DNAH11: variants seen among roughly 807,000 people sequenced by gnomAD.
DNAH11 encodes axonemal beta dynein heavy chain 11.
Under a neutral mutation model 526.0 loss-of-function variants are expected in DNAH11, and 442 were observed. The observed-to-expected ratio is 0.84, with a 90% CI of 0.78 to 0.91. The LOEUF is 0.91. Ranked by LOEUF, DNAH11 falls within the 40% of genes least tolerant of loss-of-function variation. The probability of loss-of-function intolerance (pLI) is 0.00; values close to 1 mark genes in which losing one functional copy is unlikely to be tolerated. For synonymous variants in DNAH11, 2,461 were observed against 1,935.9 expected, an observed-to-expected ratio of 1.27 and a Z score of -7.12; for missense variants, 6,989 against 5,448.7, an observed-to-expected ratio of 1.28 and a Z score of -8.90.
chr7:21,694,071 ACCTTCCACCAGGTC>A (rs1260911720), intron 35 of DNAH11, among the ~76,000 whole-genome samples: 2 of 152,158 alleles, frequency 1.3e-5, no homozygotes, highest in African/African-American at 4.8e-5. Flanking sequence ...TGATCCAGTC[ACCTTCCACCAGGTC>A]CCTCCCCCAA....
At chr7:21,736,838 T>C (rs1284578705) in intron 46 of DNAH11, among the ~76,000 whole-genome samples, 1 of 152,166 alleles carries the variant, frequency 6.6e-6, no homozygotes, top group Non-Finnish European at 1.5e-5. Context: ...AAAGAGCCAA[T>C]TATTTCATTC....
chr7:21,887,074 C>T lies in DNAH11; in HGVS notation c.12507+2664C>T, dbSNP rs1784151180. Among the ~76,000 whole-genome samples the T allele has an allele frequency of 2.0e-5, 3 of 152,224 alleles. No homozygotes were observed. In the South Asian group the frequency reaches 6.2e-4, roughly 32 times the overall value. ...TCATCTGCAGGACATCTTTTTGCCA[C>T]TTCCCACAAGTGGTTAACATATTTG... On this transcript the variant is annotated intron_variant, in intron 76 of 81. Transcript: ENST00000409508.
chr7:21,872,473 A>G (rs1783541388), intron 73 of DNAH11, among the ~76,000 whole-genome samples: 1 of 152,286 alleles, frequency 6.6e-6, no homozygotes, highest in Admixed American at 6.5e-5. Context: ...GGAAATAATT[A>G]TATATATCTG....
intron 9 of DNAH11, among the ~76,000 whole-genome samples, chr7:21,584,451 G>T (rs1309642490): frequency 6.6e-6 from 1 of 152,038 alleles, no homozygotes; most frequent in African/African-American, 2.4e-5. Flanking sequence ...TAGGGGAGAG[G>T]TAGCATTAGG....
chr7:21,881,273 A>G (rs1013195557), intron 75 of DNAH11, among the ~76,000 whole-genome samples: 5 of 152,246 alleles, frequency 3.3e-5, no homozygotes, highest in African/African-American at 1.2e-4. Context: ...CTGCATTAAT[A>G]ATCACTACAA....
intron 61 of DNAH11, among the ~76,000 whole-genome samples, chr7:21,794,293 T>C (rs1213596661): frequency 6.6e-6 from 1 of 152,222 alleles, no homozygotes; most frequent in Non-Finnish European, 1.5e-5. Context: ...GCTCCCTGTT[T>C]GCTGCTGTCT....
intron 65 of DNAH11, among the ~76,000 whole-genome samples, chr7:21,836,127 C>T (rs573201998): frequency 6.6e-6 from 1 of 152,120 alleles, no homozygotes; most frequent in Admixed American, 6.5e-5. Context: ...AAAGATATTT[C>T]CTGTTCATGG....
At chr7:21,900,446 G>A (rs1583828335) in intron 81 of DNAH11, among the ~76,000 whole-genome samples, 2 of 104,798 alleles carry the variant, frequency 1.9e-5, no homozygotes, top group African/African-American at 3.0e-5. Flanking sequence ...TTCTTCTATT[G>A]TTTAAAAACT....
intron 11 of DNAH11, 35 bp downstream of exon 11, chr7:21,588,671 C>G (rs766613278): frequency 1.2e-6 from 2 of 1,604,068 alleles, no homozygotes; most frequent in South Asian, 1.1e-5. Flanking sequence ...GCAAGTTATT[C>G]TAATGGTACG....
chr7:21,613,085 A>G (rs1785597729), intron 20 of DNAH11, among the ~76,000 whole-genome samples: 1 of 152,200 alleles, frequency 6.6e-6, no homozygotes, highest in African/African-American at 2.4e-5. Flanking sequence ...AACATAGGAA[A>G]AGACAAAATG....
chr7:21,560,143 G>A (rs1783395291), intron 4 of DNAH11, among the ~76,000 whole-genome samples: 1 of 152,160 alleles, frequency 6.6e-6, no homozygotes, highest in Admixed American at 6.5e-5. Context: ...GCTTTGGAAA[G>A]ACTAACTTTG....
chr7:21,831,457 A>G (rs1393538189), intron 65 of DNAH11, among the ~76,000 whole-genome samples: 2 of 152,206 alleles, frequency 1.3e-5, no homozygotes, highest in African/African-American at 4.8e-5. Context: ...TTTGCCTCTC[A>G]TAGATCATAA....
intron 68 of DNAH11, 91 bp from the exon 69 acceptor site, chr7:21,861,762 A>G: frequency 9.9e-6 from 15 of 1,516,960 alleles, no homozygotes; most frequent in Non-Finnish European, 1.2e-5. Flanking sequence ...CTCCCTATAG[A>G]TAAACCTTAA....
At position 21,744,331 on chromosome 7, in the gene DNAH11, C is replaced by T; in HGVS notation, c.8155-107C>T. 3 of 1,224,516 alleles carry T rather than the reference C, an allele frequency of 2.4e-6. No homozygotes were observed. In the East Asian group the frequency reaches 7.0e-5, roughly 29 times the overall value. 75.9% of individuals were successfully genotyped at this position (1,224,516 alleles called of 1,614,324 possible). ...ACGCACATTACTATTGATGATATTTCTTTTAACCATTTGCTAAGTTCACAT... is the reference window on the plus strand; with the variant it reads ...ACGCACATTACTATTGATGATATTTTTTTTAACCATTTGCTAAGTTCACAT... On this transcript the variant is annotated intron_variant, in intron 49 of 81. Coordinates refer to ENST00000409508, the MANE Select transcript of DNAH11 (RefSeq NM_001277115.2).
At chr7:21,868,710 TG>T (rs1207296546) in intron 72 of DNAH11, among the ~76,000 whole-genome samples, 153 bp from the exon 73 acceptor site, 4 of 152,224 alleles carry the variant, frequency 2.6e-5, no homozygotes, top group Non-Finnish European at 5.9e-5. Flanking sequence ...AAATGCTGCT[TG>T]TGGATACAAC....
At chr7:21,641,083 C>A (rs1787107060) in intron 28 of DNAH11, among the ~76,000 whole-genome samples, 1 of 152,204 alleles carries the variant, frequency 6.6e-6, no homozygotes, top group Admixed American at 6.5e-5. Context: ...CTTTAATCCT[C>A]CCATTTCTTG....
In DNAH11 at chr7:21,707,683, T is replaced by G; in HGVS notation, c.6547-16T>G. 1 of 1,601,596 alleles carries G rather than the reference T, an allele frequency of 6.2e-7. No homozygotes were observed. Reference sequence around the variant, plus strand: ...GTTAGTATTAATTTTTTTGGCTCTTTCCTCCTTCCCCTCAGATTTTGAGAA... The same window carrying G: ...GTTAGTATTAATTTTTTTGGCTCTTGCCTCCTTCCCCTCAGATTTTGAGAA... On this transcript the variant is annotated splice_polypyrimidine_tract_variant and intron_variant, in intron 39 of 81. Coordinates refer to ENST00000409508, the MANE Select transcript of DNAH11 (RefSeq NM_001277115.2).
intron 20 of DNAH11, among the ~76,000 whole-genome samples, chr7:21,614,095 A>G (rs1338796930): frequency 6.6e-6 from 1 of 152,162 alleles, no homozygotes; most frequent in Non-Finnish European, 1.5e-5. Context: ...CCAAAGCATC[A>G]TGTTGTACGT....
chr7:21,843,481 T>G (rs1315511453), intron 66 of DNAH11, among the ~76,000 whole-genome samples: 2 of 140,278 alleles, frequency 1.4e-5, no homozygotes, highest in Non-Finnish European at 3.0e-5. Context: ...AGGTTTTTTT[T>G]GTTTTTTTTT....
Sources: gnomAD v4.1 joint callset for allele counts (sites outside exome capture counted in the v4.1 genomes callset) on GRCh38, gnomAD v4.1.1 for gene constraint, MANE v1.5 for transcripts, NCBI Gene and HGNC (gene_info 2026-07-23, HGNC 2026-07-21) for gene names.